Variants in UNC79 observed in about 807,000 individuals in gnomAD.
The protein encoded by UNC79 is unc-79 subunit of NALCN channel complex, also known as protein unc-79 homolog.
Under a neutral mutation model 283.1 loss-of-function variants are expected in UNC79, and 37 were observed. That is an observed-to-expected ratio of 0.13 (90% CI 0.10 to 0.17). UNC79 has a LOEUF of 0.17. Ranked by LOEUF, UNC79 falls within the 10% of genes least tolerant of loss-of-function variation. The pLI, the probability that UNC79 is intolerant of heterozygous loss-of-function variation, is 1.00. For synonymous variants in UNC79, 1,107 were observed against 1,200.2 expected (o/e 0.92, Z 1.61); for missense variants, 2,272 against 3,211.1 (o/e 0.71, Z 7.07).
intron 32 of UNC79, among the ~76,000 whole-genome samples, chr14:93,638,212 A>G (rs1348612119): frequency 2.0e-5 from 3 of 152,212 alleles, no homozygotes; most frequent in Non-Finnish European, 2.9e-5. Flanking sequence ...TTTCTAGACC[A>G]TGTCACTCTT....
chr14:93,586,947 T>G, intron 22 of UNC79, 39 bp downstream of exon 22: 2 of 1,599,340 alleles, frequency 1.3e-6, no homozygotes, highest in South Asian at 2.3e-5. Flanking sequence ...TGTTTATACA[T>G]TAGGCTTTAG....
chr14:93,590,536 T>C (rs1227268821), intron 22 of UNC79, among the ~76,000 whole-genome samples: 1 of 152,122 alleles, frequency 6.6e-6, no homozygotes, highest in Non-Finnish European at 1.5e-5. Context: ...TATTTTTTAT[T>C]GTGAAAGCAA....
intron 41 of UNC79, among the ~76,000 whole-genome samples, chr14:93,677,279 T>G (rs1306611255): frequency 6.6e-6 from 1 of 152,202 alleles, no homozygotes; most frequent in Admixed American, 6.5e-5. Context: ...TAGTCTGTTC[T>G]CATGCTGCTA....
chr14:93,664,602 A>G (rs2071965069), intron 40 of UNC79, among the ~76,000 whole-genome samples: 3 of 152,184 alleles, frequency 2.0e-5, no homozygotes, highest in East Asian at 3.8e-4. Flanking sequence ...TTTGGAAAGA[A>G]TACATTCTTA....
At chr14:93,578,106 G>C in intron 18 of UNC79, 43 bp downstream of exon 18, 1 of 1,570,938 alleles carries the variant, frequency 6.4e-7, no homozygotes, top group Non-Finnish European at 8.7e-7. Flanking sequence ...GGTGAAGAAT[G>C]AGAGAAAGCG....
chr14:93,525,863 A>G (rs1015588581), intron 8 of UNC79, among the ~76,000 whole-genome samples: 9 of 152,170 alleles, frequency 5.9e-5, no homozygotes, highest in Non-Finnish European at 1.3e-4. Context: ...CACAGAAAGC[A>G]TCATGAATTA....
intron 19 of UNC79, 115 bp downstream of exon 19, chr14:93,580,491 G>T: frequency 9.3e-7 from 1 of 1,072,584 alleles, no homozygotes; most frequent in East Asian, 2.6e-5. Flanking sequence ...GGTTATACGT[G>T]AGACTGTGTT....
At chr14:93,398,195 GT>G (rs1320022329) in intron 1 of UNC79, among the ~76,000 whole-genome samples, 2 of 152,152 alleles carry the variant, frequency 1.3e-5, no homozygotes, top group African/African-American at 4.8e-5. Flanking sequence ...AAGCATAAGA[GT>G]TTATGTGTGT....
intron 30 of UNC79, among the ~76,000 whole-genome samples, chr14:93,626,726 A>G (rs1455373751): frequency 6.6e-6 from 1 of 152,110 alleles, no homozygotes; most frequent in Non-Finnish European, 1.5e-5. Flanking sequence ...TATCATTTTA[A>G]ATTTTGGTAT....
chr14:93,404,515 A>T lies in UNC79; in HGVS notation c.-350-63156A>T, dbSNP rs868063372. Among the ~76,000 whole-genome samples the T allele has an allele frequency of 5.0e-3, 382 of 75,920 alleles. 2 individuals are homozygous for T. Among genetic ancestry groups the T allele is most frequent in the African/African-American group, 8.3e-3 (164 of 19,736 alleles). 49.8% of individuals were successfully genotyped at this position (75,920 alleles called of 152,430 possible). Reference sequence around the variant, plus strand: ...AAAAATATATATATATATATATATAAATATATACATATTATATATTATTGT... The same window carrying T: ...AAAAATATATATATATATATATATATATATATACATATTATATATTATTGT... On this transcript the variant is annotated intron_variant, in intron 1 of 49. Transcript: ENST00000256339.
exon 12 of UNC79, chr14:93,538,211 G>A (rs1202328958): frequency 1.9e-6 from 3 of 1,591,940 alleles, no homozygotes; most frequent in Non-Finnish European, 2.6e-6. Flanking sequence ...CGTGGAAGCC[G>A]TGATCAGGTA....
At chr14:93,700,165 T>C (rs756577757) in intron 47 of UNC79, among the ~76,000 whole-genome samples, 3 of 151,974 alleles carry the variant, frequency 2.0e-5, no homozygotes, top group Non-Finnish European at 4.4e-5. Flanking sequence ...ATTCTTATCT[T>C]TTTTGTCTGT....
At chr14:93,497,314 C>G in intron 7 of UNC79, 28 bp downstream of exon 7, 1 of 1,603,030 alleles carries the variant, frequency 6.2e-7, no homozygotes, top group Non-Finnish European at 8.5e-7. Flanking sequence ...CTGTGATGCC[C>G]CATCTGTATT....
At chr14:93,447,731 C>T (rs910528717) in intron 1 of UNC79, among the ~76,000 whole-genome samples, 1 of 151,614 alleles carries the variant, frequency 6.6e-6, no homozygotes, top group Non-Finnish European at 1.5e-5. Context: ...TGCTTTTATT[C>T]TTGAATAATA....
At chr14:93,355,346 C>G (rs1193541189) in intron 1 of UNC79, among the ~76,000 whole-genome samples, 2 of 152,180 alleles carry the variant, frequency 1.3e-5, no homozygotes, top group African/African-American at 4.8e-5. Flanking sequence ...TTATAGGTGC[C>G]TGCCACCATA....
chr14:93,655,177 C>T (rs1269795661), intron 37 of UNC79, 57 bp from the exon 41 acceptor site: 19 of 1,576,826 alleles, frequency 1.2e-5, no homozygotes, highest in Middle Eastern at 3.4e-4. Flanking sequence ...TACCAAATAG[C>T]GCTATGCATT....
Position 93,571,435 on chromosome 14 carries a change from T to C in UNC79, c.1756-459T>C, listed in dbSNP as rs74073820. On this transcript the variant is annotated intron_variant, in intron 14 of 48. Coordinates refer to ENST00000555664, the Ensembl canonical transcript of UNC79. ...ACGCAGCATAGGGTAAAAAGAGCAC[T>C]GTGTACTACCGTATTTCCTGTAATG... 5.9e-3 allele frequency among the ~76,000 whole-genome samples: 901 copies of C among 152,338 alleles called. 3 individuals are homozygous for C. Among genetic ancestry groups the C allele is most frequent in the African/African-American group, 0.02 (850 of 41,578 alleles).
At chr14:93,664,955 C>G (rs1030541639) in intron 40 of UNC79, among the ~76,000 whole-genome samples, 6 of 151,802 alleles carry the variant, frequency 4.0e-5, no homozygotes, top group African/African-American at 1.5e-4. Flanking sequence ...AAGATACAAC[C>G]CACCTTGTGA....
At chr14:93,404,493 A>AAAAAAAAAAAAAAAATATATAT in intron 1 of UNC79, among the ~76,000 whole-genome samples, 1 of 61,512 alleles carries the variant, frequency 1.6e-5, no homozygotes, top group Admixed American at 2.4e-4. Flanking sequence ...TTCTAAAAAA[A>AAAAAAAAAAAAAAAATATATAT]ATATATATAT....
Sources: gnomAD v4.1 joint callset for allele counts (sites outside exome capture counted in the v4.1 genomes callset) on GRCh38, gnomAD v4.1.1 for gene constraint, MANE v1.5 for transcripts, NCBI Gene and HGNC (gene_info 2026-07-23, HGNC 2026-07-21) for gene names.